Variants in HTR1E observed in about 807,000 individuals in gnomAD.
HTR1E encodes the protein 5-hydroxytryptamine receptor 1E.
Under a neutral mutation model 3.4 loss-of-function variants are expected in HTR1E, and 3 were observed. That is an observed-to-expected ratio of 0.89 (90% CI 0.41 to 2.31). HTR1E has a LOEUF of 2.31. HTR1E is among the 30% of genes most tolerant of loss of function. The pLI, the probability that HTR1E is intolerant of heterozygous loss-of-function variation, is 0.05. For synonymous variants in HTR1E, 170 were observed against 182.8 expected, an observed-to-expected ratio of 0.93 and a Z score of 0.56; for missense variants, 392 against 467.0, an observed-to-expected ratio of 0.84 and a Z score of 1.48.
At chr6:86,962,830 CCT>C (rs772325704) in intron 1 of HTR1E, among the ~76,000 whole-genome samples, 11 of 151,860 alleles carry the variant, frequency 7.2e-5, no homozygotes, top group Non-Finnish European at 1.0e-4. Flanking sequence ...AGAGCGAGAC[CCT>C]GTCTCCAAAA....
At chr6:87,015,064 G>T in intron 1 of HTR1E, 86 bp from the exon 2 acceptor site, 1 of 252,938 alleles carries the variant, frequency 4.0e-6, no homozygotes, top group Admixed American at 5.4e-5. Context: ...AATTTATAAA[G>T]AATTTATAAA....
At chr6:87,008,869 CAGA>C (rs998324684) in intron 1 of HTR1E, among the ~76,000 whole-genome samples, 43 of 152,148 alleles carry the variant, frequency 2.8e-4, no homozygotes, top group African/African-American at 1.0e-3. Context: ...TGACAAAACA[CAGA>C]AGCTGTGTCT....
intron 1 of HTR1E, among the ~76,000 whole-genome samples, chr6:86,960,415 G>A (rs962064193): frequency 6.6e-6 from 1 of 152,110 alleles, no homozygotes; most frequent in Non-Finnish European, 1.5e-5. Context: ...GTTGCATTGG[G>A]GATTAAATTT....
intron 1 of HTR1E, among the ~76,000 whole-genome samples, chr6:86,987,085 T>C (rs1307811209): frequency 2.0e-5 from 3 of 152,056 alleles, no homozygotes. Context: ...AGAACAAATA[T>C]GGCAAATATA....
At chr6:86,967,076 A>G (rs562381937) in intron 1 of HTR1E, among the ~76,000 whole-genome samples, 8 of 152,314 alleles carry the variant, frequency 5.3e-5, no homozygotes, top group African/African-American at 1.9e-4. Context: ...ATAGTATAAT[A>G]AGCAGAAAGA....
chr6:86,974,052 A>G (rs1767596036), intron 1 of HTR1E, among the ~76,000 whole-genome samples: 1 of 130,606 alleles, frequency 7.7e-6, no homozygotes, highest in East Asian at 2.6e-4. Flanking sequence ...CCTTCTCCAC[A>G]AAACCCTTCT....
chr6:86,947,475 A>G (rs1418755684), intron 1 of HTR1E, among the ~76,000 whole-genome samples: 1 of 152,086 alleles, frequency 6.6e-6, no homozygotes, highest in Non-Finnish European at 1.5e-5. Context: ...TTTCCTGCTT[A>G]TAAGTATATC....
chr6:86,950,049 T>G (rs916268189), intron 1 of HTR1E, among the ~76,000 whole-genome samples: 3 of 152,184 alleles, frequency 2.0e-5, no homozygotes, highest in African/African-American at 7.2e-5. Flanking sequence ...AGCTGCATAG[T>G]GAAATTTTCC....
At chr6:86,980,933 G>A (rs568794636) in intron 1 of HTR1E, among the ~76,000 whole-genome samples, 20 of 152,242 alleles carry the variant, frequency 1.3e-4, no homozygotes, top group African/African-American at 4.6e-4. Context: ...TTGACAGTCC[G>A]TGTGTACATG....
At chr6:86,965,970 C>T (rs1248262102) in intron 1 of HTR1E, among the ~76,000 whole-genome samples, 3 of 151,822 alleles carry the variant, frequency 2.0e-5, no homozygotes, top group Non-Finnish European at 4.4e-5. Context: ...ATTCATATAA[C>T]CAAACACCAC....
At chr6:86,975,918 G>C (rs911003510) in intron 1 of HTR1E, among the ~76,000 whole-genome samples, 2 of 144,150 alleles carry the variant, frequency 1.4e-5, no homozygotes, top group Admixed American at 6.9e-5. Context: ...CTCTCTCTGA[G>C]ACACACACAC....
rs58476122 is a variant in HTR1E, at chr6:86,995,688, GAAAAAAAAAAAAA to G, written c.-185-19458_-185-19446del. ...CTCAAAAAAAAAAAAAAAAAAAAAA[GAAAAAAAAAAAAA>G]AAAGAAAACATGACCCAACTATATG... On this transcript the variant is annotated intron_variant, in intron 1 of 1. Coordinates refer to ENST00000305344, the MANE Select transcript of HTR1E (RefSeq NM_000865.3). Among the ~76,000 whole-genome samples the G allele has an allele frequency of 7.2e-5, 4 of 55,244 alleles. No homozygotes were observed. The Admixed American group carries it at 9.2e-4, about 13-fold the overall frequency. 36.2% of individuals were successfully genotyped at this position (55,244 alleles called of 152,430 possible).
chr6:86,975,607 C>T (rs1362188648), intron 1 of HTR1E, among the ~76,000 whole-genome samples: 2 of 151,928 alleles, frequency 1.3e-5, no homozygotes, highest in African/African-American at 4.8e-5. Flanking sequence ...GTGTACCCTC[C>T]TCACTCTACC....
intron 1 of HTR1E, among the ~76,000 whole-genome samples, chr6:87,002,837 A>C (rs1768044848): frequency 6.6e-6 from 1 of 152,220 alleles, no homozygotes; most frequent in African/African-American, 2.4e-5. Flanking sequence ...AAATATTATT[A>C]CAGCTAAGGA....
chr6:87,014,960 A>C (rs143852607), intron 1 of HTR1E, among the ~76,000 whole-genome samples, 190 bp from the exon 2 acceptor site: 55 of 152,354 alleles, frequency 3.6e-4, no homozygotes, highest in African/African-American at 1.3e-3. Flanking sequence ...TAATTTAAAA[A>C]AAAACAGTTT....
At chr6:86,942,311 T>C (rs1582252922) in intron 1 of HTR1E, among the ~76,000 whole-genome samples, 1 of 152,352 alleles carries the variant, frequency 6.6e-6, no homozygotes, top group South Asian at 2.1e-4. Context: ...ATTAATTCTT[T>C]CCTGTAAGTA....
intron 1 of HTR1E, among the ~76,000 whole-genome samples, chr6:86,991,086 GA>G (rs2127827710): frequency 6.6e-6 from 1 of 152,138 alleles, no homozygotes; most frequent in East Asian, 1.9e-4. Context: ...AAACATGAGG[GA>G]AAACATCAGA....
chr6:87,010,868 C>A (rs1013624549), intron 1 of HTR1E, among the ~76,000 whole-genome samples: 1 of 152,172 alleles, frequency 6.6e-6, no homozygotes, highest in African/African-American at 2.4e-5. Flanking sequence ...GCGGCGCTCG[C>A]CGGCCTATAC....
chr6:86,990,106 A>G (rs905601591), intron 1 of HTR1E, among the ~76,000 whole-genome samples: 4 of 152,224 alleles, frequency 2.6e-5, no homozygotes, highest in Middle Eastern at 3.2e-3. Context: ...GTTGCACTAC[A>G]AAAGATTCAA....
Sources: allele counts gnomAD v4.1 joint callset (sites outside exome capture counted in the v4.1 genomes callset), GRCh38; gene constraint gnomAD v4.1.1; transcripts MANE v1.5; gene names NCBI Gene and HGNC (gene_info 2026-07-23, HGNC 2026-07-21).